Variants in TNNI3K observed in about 807,000 individuals in gnomAD.
TNNI3K encodes the protein serine/threonine-protein kinase TNNI3K.
Under a neutral mutation model 114.5 loss-of-function variants are expected in TNNI3K, and 140 were observed. The observed-to-expected ratio is 1.22, with a 90% CI of 1.07 to 1.41. TNNI3K has a LOEUF of 1.41. Among genes scored for constraint, TNNI3K ranks in the 40% most tolerant of loss-of-function variants. The probability of loss-of-function intolerance (pLI) is 0.00; values close to 1 mark genes in which losing one functional copy is unlikely to be tolerated. For missense variants in TNNI3K, 1,125 were observed against 1,007.6 expected, an observed-to-expected ratio of 1.12 and a Z score of -1.58; for synonymous variants, 347 against 347.5, an observed-to-expected ratio of 1.00 and a Z score of 0.02.
At chr1:74,242,587 T>C (rs1201947189) in intron 2 of TNNI3K, among the ~76,000 whole-genome samples, 3 of 152,170 alleles carry the variant, frequency 2.0e-5, no homozygotes, top group Admixed American at 6.5e-5. Context: ...GGAAATGTCA[T>C]CTTATAATTA....
chr1:74,487,586 G>A (rs116381349), intron 21 of TNNI3K, among the ~76,000 whole-genome samples: 1,918 of 152,126 alleles, frequency 0.013, 40 homozygotes, highest in African/African-American at 0.044. Flanking sequence ...GTGGAAGGGA[G>A]TGATAGTTGG....
intron 9 of TNNI3K, among the ~76,000 whole-genome samples, chr1:74,348,087 A>T (rs1282306100): frequency 6.6e-6 from 1 of 152,082 alleles, no homozygotes; most frequent in East Asian, 1.9e-4. Flanking sequence ...CTATGTCCTG[A>T]ATGGTATTGC....
intron 24 of TNNI3K, among the ~76,000 whole-genome samples, chr1:74,541,928 T>C (rs1646731517): frequency 1.3e-5 from 2 of 152,252 alleles, no homozygotes; most frequent in Admixed American, 6.5e-5. Context: ...CTCCCCCTGC[T>C]TTGCCGCCAA....
intron 5 of TNNI3K, among the ~76,000 whole-genome samples, chr1:74,287,936 G>C (rs1657433725): frequency 6.6e-6 from 1 of 151,868 alleles, no homozygotes; most frequent in African/African-American, 2.4e-5. Flanking sequence ...AACCTGAAAA[G>C]ACATTTCTCA....
chr1:74,424,155 C>T (rs1003030909), intron 17 of TNNI3K, among the ~76,000 whole-genome samples: 1 of 151,998 alleles, frequency 6.6e-6, no homozygotes, highest in African/African-American at 2.4e-5. Context: ...AGAACAGCCC[C>T]CAGTTTTTAT....
intron 4 of TNNI3K, among the ~76,000 whole-genome samples, chr1:74,268,579 A>T (rs1416253135): frequency 1.5e-4 from 1 of 6,792 alleles, no homozygotes; most frequent in East Asian, 5.2e-3. Flanking sequence ...TGATTAAATC[A>T]AATCAATATT....
Position 74,401,514 on chromosome 1 carries a change from G to C in TNNI3K, c.1772+31122G>C, listed in dbSNP as rs770877507. On this transcript the variant is annotated intron_variant, in intron 17 of 24. Transcript: ENST00000326637. ...TTGCCATTGTTTGGTAAATTCTACT[G>C]TTCAGTTATTGGGAAGCTAAATAAT... Among the ~76,000 whole-genome samples, 178 of 152,116 alleles carry C rather than the reference G, an allele frequency of 1.2e-3. 3 individuals carry two copies. The highest frequency in any genetic ancestry group is 4.3e-4 in the Non-Finnish European group (29 of 68,018).
intron 22 of TNNI3K, among the ~76,000 whole-genome samples, chr1:74,490,805 T>G (rs1016305787): frequency 2.6e-5 from 4 of 152,126 alleles, no homozygotes; most frequent in African/African-American, 9.7e-5. Context: ...CCCTAGATCT[T>G]GGAGGATGAA....
chr1:74,255,958 G>A (rs1655263471), intron 4 of TNNI3K, among the ~76,000 whole-genome samples: 1 of 152,078 alleles, frequency 6.6e-6, no homozygotes, highest in African/African-American at 2.4e-5. Flanking sequence ...TGTAATTAAT[G>A]CTTTTCTTGT....
chr1:74,353,252 G>GT lies in TNNI3K; in HGVS notation c.933-4dup, dbSNP rs531606162. On this transcript the variant is annotated splice_polypyrimidine_tract_variant and intron_variant, in intron 9 of 24. Transcript: ENST00000326637. ...GACCTTCTATCTTTCTTGTTTTATG[G>GT]TTTTTTTTTTCAGTGCTTGTACCTA... is the stretch of plus-strand genomic sequence containing the variant. 11,022 of 1,268,334 alleles carry GT rather than the reference G, an allele frequency of 8.7e-3. No individual in the cohort carries two copies. Among genetic ancestry groups the GT allele is most frequent in the Admixed American group, 0.014 (651 of 47,668 alleles). The allele number at this position is 1,268,334 out of a possible 1,614,324, so 78.6% of individuals were successfully genotyped here.
At chr1:74,314,501 T>A (rs1393416583) in intron 5 of TNNI3K, among the ~76,000 whole-genome samples, 1 of 152,070 alleles carries the variant, frequency 6.6e-6, no homozygotes, top group Non-Finnish European at 1.5e-5. Context: ...AATTTTCAGA[T>A]CTCAATGAAA....
chr1:74,358,830 A>T (rs1396540396), intron 11 of TNNI3K, among the ~76,000 whole-genome samples: 1 of 135,418 alleles, frequency 7.4e-6, no homozygotes, highest in Non-Finnish European at 1.8e-5. Context: ...CAGGGAGATA[A>T]CTCACAAAAA....
intron 21 of TNNI3K, among the ~76,000 whole-genome samples, chr1:74,479,435 A>G (rs1252855224): frequency 6.6e-6 from 1 of 152,230 alleles, no homozygotes; most frequent in East Asian, 1.9e-4. Context: ...GTATGGGCCA[A>G]GTTTACATAG....
chr1:74,242,383 T>G (rs934676435), intron 2 of TNNI3K, among the ~76,000 whole-genome samples: 4 of 152,212 alleles, frequency 2.6e-5, no homozygotes, highest in Non-Finnish European at 4.4e-5. Context: ...CTTTTCTCTC[T>G]GAAAAGTTCA....
intron 23 of TNNI3K, among the ~76,000 whole-genome samples, chr1:74,517,030 CAG>C (rs1275109116): frequency 1.3e-5 from 2 of 152,152 alleles, no homozygotes; most frequent in Non-Finnish European, 2.9e-5. Context: ...AAAATAAAAA[CAG>C]AAACATTCTT....
intron 23 of TNNI3K, among the ~76,000 whole-genome samples, chr1:74,517,550 T>C (rs1296288951): frequency 6.6e-6 from 1 of 152,204 alleles, no homozygotes; most frequent in Non-Finnish European, 1.5e-5. Flanking sequence ...TAATTGTTAG[T>C]AATAATGGTA....
intron 17 of TNNI3K, among the ~76,000 whole-genome samples, chr1:74,382,803 A>G (rs1570551660): frequency 6.6e-6 from 1 of 152,184 alleles, no homozygotes. Flanking sequence ...AAATAGTGTT[A>G]GAGCGTTGAT....
intron 23 of TNNI3K, among the ~76,000 whole-genome samples, chr1:74,521,894 G>T (rs1352407153): frequency 6.6e-6 from 1 of 152,100 alleles, no homozygotes; most frequent in Non-Finnish European, 1.5e-5. Context: ...TGCCATTTCT[G>T]CTATGAATCA....
At chr1:74,495,311 G>A (rs748995512) in intron 23 of TNNI3K, among the ~76,000 whole-genome samples, 1 of 152,188 alleles carries the variant, frequency 6.6e-6, no homozygotes, top group Non-Finnish European at 1.5e-5. Context: ...AATCGGTAAA[G>A]CGTTTAGCTA....
Sources: gnomAD v4.1 joint callset for allele counts (sites outside exome capture counted in the v4.1 genomes callset) on GRCh38, gnomAD v4.1.1 for gene constraint, MANE v1.5 for transcripts, NCBI Gene and HGNC (gene_info 2026-07-23, HGNC 2026-07-21) for gene names.